Variants in CTNND2 observed in about 807,000 individuals in gnomAD.
CTNND2 encodes catenin delta 2, also known as catenin delta-2.
In CTNND2, 22 loss-of-function variants were observed where a neutral mutation model predicts 144.4. The ratio of observed to expected loss-of-function variants is 0.15; its 90% CI spans 0.11 to 0.22. The LOEUF is 0.22. Among genes scored for constraint, CTNND2 ranks in the 10% least tolerant of loss-of-function variants. The pLI is 1.00. For synonymous variants in CTNND2, 751 were observed against 695.6 expected, an observed-to-expected ratio of 1.08 and a Z score of -1.25; for missense variants, 1,353 against 1,618.8, an observed-to-expected ratio of 0.84 and a Z score of 2.82.
chr5:11,593,078 T>A (rs1293554895), intron 2 of CTNND2, among the ~76,000 whole-genome samples: 1 of 152,030 alleles, frequency 6.6e-6, no homozygotes, highest in Non-Finnish European at 1.5e-5. Context: ...ATCAACTCCA[T>A]CTGGAGTGAA....
chr5:11,814,716 T>C (rs1261655145), intron 1 of CTNND2, among the ~76,000 whole-genome samples: 4 of 152,234 alleles, frequency 2.6e-5, no homozygotes, highest in African/African-American at 7.2e-5. Context: ...TCACTCTGAA[T>C]AGGACTCTGC....
chr5:11,224,208 A>T (rs1009042862), intron 10 of CTNND2, among the ~76,000 whole-genome samples: 1 of 152,084 alleles, frequency 6.6e-6, no homozygotes, highest in Non-Finnish European at 1.5e-5. Context: ...ACTGAGGATG[A>T]CTCATGGTCC....
At chr5:11,058,529 A>G (rs1746577597) in intron 16 of CTNND2, among the ~76,000 whole-genome samples, 1 of 152,202 alleles carries the variant, frequency 6.6e-6, no homozygotes, top group African/African-American at 2.4e-5. Flanking sequence ...AAACGCCTGG[A>G]TGTCCAGGCA....
Position 11,022,942 on chromosome 5 carries a change from T to C in CTNND2, c.2826A>G (p.Pro942=), listed in dbSNP as rs745721326. ...CAGTGTTGTTGCTGTTGTTCCCTCC[T>C]GGAAGCCTGTGGACTAGGTCTCGCA... is the stretch of plus-strand genomic sequence containing the variant. ...YAMRDLVHRL[P]GGNNSNNTAS... The change falls in exon 17 of 22, where the codon CCA becomes CCG. Residue 942 remains proline (P), a synonymous_variant. Coordinates refer to ENST00000304623, the MANE Select transcript of CTNND2 (RefSeq NM_001332.4). 6.2e-7 allele frequency: 1 copy of C among 1,614,168 alleles called. No individual in the cohort carries two copies. The highest frequency in any genetic ancestry group is 1.7e-5 in the Admixed American group (1 of 60,024).
chr5:11,333,524 TGATATTAGAG>T (rs1753400628), intron 9 of CTNND2, among the ~76,000 whole-genome samples: 1 of 152,104 alleles, frequency 6.6e-6, no homozygotes, highest in South Asian at 2.1e-4. Flanking sequence ...ATTCCCCAGA[TGATATTAGAG>T]GGAAAGATGG....
At position 11,536,611 on chromosome 5, in the gene CTNND2, G is replaced by A. The variant is rs551315238; in HGVS notation, c.287+28333C>T. ...GGTATTGGAGATTATTATTCTAAGT[G>A]AAGTAACTCAGGAATGGAAAACCAA... On this transcript the variant is annotated intron_variant, in intron 3 of 21. Coordinates refer to ENST00000304623, the MANE Select transcript of CTNND2 (RefSeq NM_001332.4). Among the ~76,000 whole-genome samples, 7 of 152,260 alleles carry A rather than the reference G, an allele frequency of 4.6e-5. No homozygotes were observed. In the South Asian group the frequency reaches 1.5e-3, roughly 32 times the overall value.
intron 16 of CTNND2, among the ~76,000 whole-genome samples, chr5:11,078,632 C>A (rs1279660001): frequency 1.3e-5 from 2 of 152,122 alleles, no homozygotes; most frequent in African/African-American, 2.4e-5. Context: ...AGAAAAAAAA[C>A]ACACATACAA....
chr5:11,294,310 C>T (rs1748667632), intron 9 of CTNND2, among the ~76,000 whole-genome samples: 1 of 151,984 alleles, frequency 6.6e-6, no homozygotes. Context: ...ATGGAATACA[C>T]ATAAAGCCCA....
At chr5:11,743,512 G>C (rs1440094607) in intron 1 of CTNND2, among the ~76,000 whole-genome samples, 1 of 152,160 alleles carries the variant, frequency 6.6e-6, no homozygotes, top group Non-Finnish European at 1.5e-5. Flanking sequence ...CCAACAGCTT[G>C]CAAATATAGA....
At chr5:11,464,335 T>TTCACTGAGAGGTACTAAGGCATGGTGA (rs1264607738) in intron 3 of CTNND2, among the ~76,000 whole-genome samples, 2 of 152,118 alleles carry the variant, frequency 1.3e-5, no homozygotes, top group Non-Finnish European at 2.9e-5. Context: ...TGTGAGGGGT[T>TTCACTGAGAGGTACTAAGGCATGGTGA]TCACTGAGAG....
intron 16 of CTNND2, among the ~76,000 whole-genome samples, chr5:11,023,422 A>G (rs1025490693): frequency 6.6e-6 from 1 of 152,234 alleles, no homozygotes; most frequent in Non-Finnish European, 1.5e-5. Context: ...TGGGAATTCT[A>G]ACATAACCCT....
chr5:11,859,398 A>G (rs150070939), intron 1 of CTNND2, among the ~76,000 whole-genome samples: 35 of 152,358 alleles, frequency 2.3e-4, no homozygotes, highest in African/African-American at 8.4e-4. Context: ...ACGAAAATAG[A>G]AATTAAAGTA....
chr5:11,699,273 A>T (rs1785299211), intron 2 of CTNND2, among the ~76,000 whole-genome samples: 1 of 152,150 alleles, frequency 6.6e-6, no homozygotes, highest in Non-Finnish European at 1.5e-5. Context: ...AGAGGCCAAG[A>T]GTCCACGGGG....
chr5:11,518,677 C>T (rs1352979525), intron 3 of CTNND2, among the ~76,000 whole-genome samples: 1 of 152,034 alleles, frequency 6.6e-6, no homozygotes, highest in Non-Finnish European at 1.5e-5. Flanking sequence ...TATACCTTTA[C>T]TATGTTTAGA....
At chr5:11,085,799 C>A (rs1178834340) in intron 15 of CTNND2, among the ~76,000 whole-genome samples, 1 of 152,144 alleles carries the variant, frequency 6.6e-6, no homozygotes, top group African/African-American at 2.4e-5. Context: ...TCCCTGGAGT[C>A]CTCCTGGACA....
At chr5:11,444,158 C>A (rs1181225998) in intron 3 of CTNND2, among the ~76,000 whole-genome samples, 1 of 152,156 alleles carries the variant, frequency 6.6e-6, no homozygotes, top group African/African-American at 2.4e-5. Flanking sequence ...GATAACTCAA[C>A]TGACTGAATG....
chr5:11,291,648 A>G (rs1307536265), intron 9 of CTNND2, among the ~76,000 whole-genome samples: 1 of 152,112 alleles, frequency 6.6e-6, no homozygotes, highest in Non-Finnish European at 1.5e-5. Flanking sequence ...CTATCTCCCC[A>G]GATTCTCCTG....
At chr5:11,835,875 C>CTT in intron 1 of CTNND2, among the ~76,000 whole-genome samples, 1 of 151,932 alleles carries the variant, frequency 6.6e-6, no homozygotes, top group Admixed American at 6.6e-5. Context: ...TCCCTCTTTT[C>CTT]TTTTTTTTCC....
intron 9 of CTNND2, among the ~76,000 whole-genome samples, chr5:11,304,520 T>C (rs1025450058): frequency 1.3e-5 from 2 of 152,212 alleles, no homozygotes; most frequent in African/African-American, 2.4e-5. Context: ...ACTTGTATAA[T>C]AATTTTTGGT....
Sources: allele counts gnomAD v4.1 joint callset (sites outside exome capture counted in the v4.1 genomes callset), GRCh38; gene constraint gnomAD v4.1.1; transcripts MANE v1.5; gene names NCBI Gene and HGNC (gene_info 2026-07-23, HGNC 2026-07-21).